Variants in DNHD1 observed in about 807,000 individuals in gnomAD.
The protein encoded by DNHD1 is dynein heavy chain domain-containing protein 1.
A neutral mutation model predicts 458.1 loss-of-function variants in DNHD1; 383 were observed. That is an observed-to-expected ratio of 0.84 (90% confidence interval 0.77 to 0.91). The LOEUF (loss-of-function observed/expected upper bound fraction) is 0.91, where lower values mean the gene tolerates loss of function less well. DNHD1 is among the 40% of genes least tolerant of loss of function. DNHD1 has a pLI of 0.00. For synonymous variants in DNHD1, 2,203 were observed against 2,376.9 expected (o/e 0.93, Z 2.13); for missense variants, 5,336 against 5,866.1 (o/e 0.91, Z 2.95).
chr11:6,536,322 A>G (rs1247447469), intron 14 of DNHD1, among the ~76,000 whole-genome samples: 4 of 152,250 alleles, frequency 2.6e-5, no homozygotes, highest in Non-Finnish European at 5.9e-5. Context: ...GTCAACTGAC[A>G]AAACTGAAAT....
chr11:6,557,025 G>GC lies in DNHD1; in HGVS notation c.7731dup (p.Phe2578LeufsTer73). ...GAGGCCTGGGAGGCTGTGTGCAATTGCTTCATGCCTTCACCCCTCCACCCA... is the reference window on the plus strand; with the variant it reads ...GAGGCCTGGGAGGCTGTGTGCAATTGCCTTCATGCCTTCACCCCTCCACCCA... On this transcript the variant is annotated frameshift_variant, in exon 25 of 43. Coordinates refer to ENST00000254579, the MANE Select transcript of DNHD1 (RefSeq NM_144666.3). LOFTEE classifies it high-confidence loss of function. The GC allele has an allele frequency of 6.4e-7, 1 of 1,551,546 alleles. No homozygotes were observed. The highest frequency in any genetic ancestry group is 8.7e-7 in the Non-Finnish European group (1 of 1,146,962).
intron 4 of DNHD1, among the ~76,000 whole-genome samples, chr11:6,507,263 G>A (rs1422481479): frequency 1.3e-5 from 2 of 152,132 alleles, no homozygotes; most frequent in East Asian, 3.8e-4. Flanking sequence ...GAACACTGCT[G>A]TATCCTCAGT....
In DNHD1 at chr11:6,546,203, G is replaced by A. The variant is rs199792237; in HGVS notation, c.5264G>A (p.Arg1755His). 2.2e-3 allele frequency: 3,477 copies of A among 1,551,254 alleles called. 5 individuals are homozygous for A. The highest frequency in any genetic ancestry group is 2.4e-3 in the Non-Finnish European group (2,780 of 1,146,586). ...GGCTTGCTCTCTGCCCTGGGCCAGCGCCTGGGTGAACTGCACCACTTGTAT... is the reference window on the plus strand; with the variant it reads ...GGCTTGCTCTCTGCCCTGGGCCAGCACCTGGGTGAACTGCACCACTTGTAT... ...PPGLLSALGQ[R>H]LGELHHLYAP... Residue 1755 changes from arginine to histidine, a missense_variant, in exon 21 of 43, where the codon CGC becomes CAC. Arg to His is a conservative substitution (Grantham distance 29, BLOSUM62 0). Transcript: ENST00000254579.
chr11:6,523,913 A>G (rs1852655046), intron 10 of DNHD1, among the ~76,000 whole-genome samples: 2 of 152,180 alleles, frequency 1.3e-5, no homozygotes, highest in African/African-American at 4.8e-5. Context: ...GCTTGATCTC[A>G]GGAGTTTGAG....
chr11:6,530,118 T>C (rs1200239539), intron 12 of DNHD1, among the ~76,000 whole-genome samples: 1 of 152,218 alleles, frequency 6.6e-6, no homozygotes, highest in Non-Finnish European at 1.5e-5. Context: ...CATAACAGTA[T>C]GATTTCTACT....
chr11:6,570,256 T>A lies in DNHD1; in HGVS notation c.12965T>A (p.Phe4322Tyr). 6.2e-7 allele frequency: 1 copy of A among 1,613,740 alleles called. No homozygotes were observed. Among genetic ancestry groups the A allele is most frequent in the East Asian group, 2.2e-5 (1 of 44,876 alleles). ...AAMQELAASVFYGGPLGDTED... is the reference protein window; with the variant it reads ...AAMQELAASVYYGGPLGDTED... ...CTAACCTCATCTTCAGCTTCAGTTT[T>A]CTACGGGGGTCCTCTGGGGGACACT... Residue 4322 changes from phenylalanine (F) to tyrosine (Y), a missense_variant, in exon 41 of 43, where the codon TTC becomes TAC. This residue lies in a region of DNHD1 where 698 missense variants were observed against 664.9 expected (regional missense o/e 1.05). Transcript: ENST00000254579.
chr11:6,534,124 C>A lies in DNHD1; in HGVS notation c.2949C>A (p.Asn983Lys). 1 of 1,551,456 alleles carries A rather than the reference C, an allele frequency of 6.4e-7. No homozygotes were observed. Among genetic ancestry groups the A allele is most frequent in the Non-Finnish European group, 8.7e-7 (1 of 1,146,936 alleles). ...QLVSLERQFQNTVSDLSELHH... is the reference protein window; with the variant it reads ...QLVSLERQFQKTVSDLSELHH... The stretch of plus-strand genomic sequence containing the variant: ...TCTCCCTAGAGCGTCAGTTCCAGAA[C>A]ACAGTCAGCGACCTCAGTGAACTGC... Residue 983 changes from asparagine to lysine, a missense_variant, in exon 14 of 43, where the codon AAC (asparagine) becomes AAA (lysine). By Grantham distance (94) the Asn-to-Lys change is moderately conservative (BLOSUM62 0). Coordinates refer to ENST00000254579, the MANE Select transcript of DNHD1 (RefSeq NM_144666.3).
In DNHD1 at chr11:6,557,773, ACTGGGGCCTAACT is replaced by A. The variant is rs1173455091; in HGVS notation, c.8482_8494del (p.Gly2828ArgfsTer14). ...ACCTGGTCTTCAGTCAGGAGCTGAT[ACTGGGGCCTAACT>A]CTGAGACCCCCAACTTGTACCTGGA... On this transcript the variant is annotated frameshift_variant, in exon 25 of 43. Coordinates refer to ENST00000254579, the MANE Select transcript of DNHD1 (RefSeq NM_144666.3). LOFTEE classifies it high-confidence loss of function. 5 of 1,551,646 alleles carry A rather than the reference ACTGGGGCCTAACT, an allele frequency of 3.2e-6. No homozygotes were observed. In the East Asian group the frequency reaches 1.2e-4, roughly 38 times the overall value.
At chr11:6,544,381 T>C (rs1853161975) in intron 19 of DNHD1, 135 bp downstream of exon 19, 2 of 1,163,324 alleles carry the variant, frequency 1.7e-6, no homozygotes, top group African/African-American at 1.5e-5. Flanking sequence ...GGGCTGTTTC[T>C]TGGGATGAAG....
At chr11:6,510,277 G>T (rs550346362) in intron 6 of DNHD1, among the ~76,000 whole-genome samples, 1 of 152,026 alleles carries the variant, frequency 6.6e-6, no homozygotes, top group South Asian at 2.1e-4. Flanking sequence ...TAGAGATAAG[G>T]TTTCGCCATG....
At chr11:6,525,636 G>A (rs1397395475) in intron 10 of DNHD1, among the ~76,000 whole-genome samples, 1 of 152,174 alleles carries the variant, frequency 6.6e-6, no homozygotes, top group Non-Finnish European at 1.5e-5. Context: ...AATTCCTCAG[G>A]AAGGGCTTGT....
rs770540045 is a variant in DNHD1, at chr11:6,568,687, G to A, written c.12684G>A (p.Met4228Ile). Residue 4228 changes from methionine to isoleucine, a missense_variant, in exon 39 of 43, where the codon ATG (methionine) becomes ATA (isoleucine). By Grantham distance (10) the Met-to-Ile change is conservative (BLOSUM62 1). This residue lies in a region of DNHD1 where 695 missense variants were observed against 804.2 expected (regional missense o/e 0.86). Coordinates refer to ENST00000254579, the MANE Select transcript of DNHD1 (RefSeq NM_144666.3). ...SLPAVLTQHS[M>I]PVFWNQSLEL... The stretch of plus-strand genomic sequence containing the variant: ...CAGCTGTGCTGACTCAGCACTCCAT[G>A]CCTGTTTTCTGGAACCAGTCCCTGG... 4.5e-5 allele frequency: 73 copies of A among 1,613,728 alleles called. 3 individuals carry two copies. The Middle Eastern group carries it at 4.9e-4, about 11-fold the overall frequency.
At chr11:6,516,280 AG>A (rs1852463540) in intron 7 of DNHD1, among the ~76,000 whole-genome samples, 1 of 147,846 alleles carries the variant, frequency 6.8e-6, no homozygotes, top group Non-Finnish European at 1.5e-5. Flanking sequence ...GTTTTGTCAT[AG>A]TACTCTAATC....
intron 24 of DNHD1, among the ~76,000 whole-genome samples, chr11:6,555,412 C>G (rs1853441146): frequency 6.6e-6 from 1 of 152,172 alleles, no homozygotes; most frequent in Non-Finnish European, 1.5e-5. Context: ...AATAAGTTTT[C>G]TGTGTGAAGG....
At chr11:6,526,414 A>T (rs913820229) in intron 10 of DNHD1, among the ~76,000 whole-genome samples, 5 of 151,224 alleles carry the variant, frequency 3.3e-5, no homozygotes, top group Admixed American at 3.3e-4. Context: ...ACATGCTTTC[A>T]TTGTCTCTGG....
Position 6,519,731 on chromosome 11 carries a change from G to A in DNHD1, c.1524G>A (p.Lys508=). The A allele has an allele frequency of 6.2e-7, 1 of 1,614,188 alleles. No homozygotes were observed. The highest frequency in any genetic ancestry group is 8.5e-7 in the Non-Finnish European group (1 of 1,180,040). ...ACAAGCAACTGGAGCAGAAGCTGAA[G>A]CAAGCAGAGGCCTGGTGGCTGCAGC... ...VQHKQLEQKL[K]QAEAWWLQLG... is the part of the protein sequence containing the mutation. The change falls in exon 8 of 43, where the codon AAG becomes AAA. Residue 508 remains lysine, a synonymous_variant. Coordinates refer to ENST00000254579, the MANE Select transcript of DNHD1 (RefSeq NM_144666.3).
chr11:6,563,278 G>A, intron 29 of DNHD1, 104 bp from the exon 30 acceptor site: 8 of 1,487,146 alleles, frequency 5.4e-6, no homozygotes, highest in Non-Finnish European at 7.3e-6. Context: ...CTTGGGGAGT[G>A]GCCTCTCATG....
intron 19 of DNHD1, 145 bp from the exon 20 acceptor site, chr11:6,544,429 C>T: frequency 9.8e-7 from 1 of 1,020,904 alleles, no homozygotes; most frequent in Non-Finnish European, 1.4e-6. Flanking sequence ...TTTTTTCTCC[C>T]TCAAGCAAGT....
intron 24 of DNHD1, 77 bp downstream of exon 24, chr11:6,549,010 ACT>A: frequency 7.0e-7 from 1 of 1,423,700 alleles, no homozygotes; most frequent in Non-Finnish European, 9.5e-7. Flanking sequence ...ATATTCATTG[ACT>A]CTCAAATATA....
Sources: allele counts gnomAD v4.1 joint callset (sites outside exome capture counted in the v4.1 genomes callset), GRCh38; gene constraint gnomAD v4.1.1; regional missense constraint gnomAD v4.1.1; transcripts MANE v1.5; gene names NCBI Gene and HGNC (gene_info 2026-07-23, HGNC 2026-07-21).